Variants in ROBO1 observed in about 807,000 individuals in gnomAD.
ROBO1 encodes the protein roundabout guidance receptor 1, also known as roundabout homolog 1.
Under a neutral mutation model 195.9 loss-of-function variants are expected in ROBO1, and 149 were observed. The observed-to-expected ratio is 0.76, with a 90% CI of 0.67 to 0.87. The LOEUF (loss-of-function observed/expected upper bound fraction) is 0.87, where lower values mean the gene tolerates loss of function less well. Among genes scored for constraint, ROBO1 ranks in the 40% least tolerant of loss-of-function variants. The pLI, the probability that ROBO1 is intolerant of heterozygous loss-of-function variation, is 0.00. For synonymous variants in ROBO1, 816 were observed against 733.2 expected, an observed-to-expected ratio of 1.11 and a Z score of -1.82; for missense variants, 1,933 against 2,068.3, an observed-to-expected ratio of 0.93 and a Z score of 1.27.
chr3:78,919,142 T>C lies in ROBO1; in HGVS notation c.499+19459A>G, dbSNP rs141890095. ...TGTGCTTGACTTTCTTACCGGTTAT[T>C]ACATCAGACCATAGGGAGATTATGG... On this transcript the variant is annotated intron_variant, in intron 4 of 30. Transcript: ENST00000464233. Among the ~76,000 whole-genome samples the C allele has an allele frequency of 4.0e-3, 604 of 152,296 alleles. 14 individuals carry two copies. The highest frequency in any genetic ancestry group is 0.012 in the African/African-American group (519 of 41,554).
intron 2 of ROBO1, among the ~76,000 whole-genome samples, chr3:79,311,432 T>C (rs2033478678): frequency 1.3e-5 from 2 of 152,228 alleles, no homozygotes. Flanking sequence ...TAATTTAAAT[T>C]CTTATAAATT....
At chr3:79,692,601 T>C (rs1947328397) in intron 1 of ROBO1, among the ~76,000 whole-genome samples, 1 of 151,668 alleles carries the variant, frequency 6.6e-6, no homozygotes, top group African/African-American at 2.4e-5. Context: ...TCACGGATAG[T>C]GGGTTCTAAA....
intron 3 of ROBO1, among the ~76,000 whole-genome samples, chr3:79,002,283 T>C (rs1409770249): frequency 6.6e-6 from 1 of 152,134 alleles, no homozygotes; most frequent in Non-Finnish European, 1.5e-5. Context: ...CTTTTGGTCA[T>C]GGAACCTACA....
chr3:78,729,567 C>A (rs2108175816), intron 5 of ROBO1, among the ~76,000 whole-genome samples: 1 of 152,270 alleles, frequency 6.6e-6, no homozygotes, highest in East Asian at 1.9e-4. Context: ...AAAGCCCCTT[C>A]TAATTTATAG....
At position 79,068,062 on chromosome 3, in the gene ROBO1, A is replaced by T. The variant is rs2079031752; in HGVS notation, c.172+57394T>A. On this transcript the variant is annotated intron_variant, in intron 3 of 30. Coordinates refer to ENST00000464233, the MANE Select transcript of ROBO1 (RefSeq NM_002941.4). ...AATGAGAAAGCACCCAAGATTGAAG[A>T]CACAGTCTTTTATAAGCTAATTTAG... Among the ~76,000 whole-genome samples, 3 of 151,950 alleles carry T rather than the reference A, an allele frequency of 2.0e-5. No individual in the cohort carries two copies. The South Asian group carries it at 6.2e-4, about 31-fold the overall frequency.
chr3:79,275,887 C>T (rs1241671081), intron 2 of ROBO1, among the ~76,000 whole-genome samples: 3 of 149,806 alleles, frequency 2.0e-5, no homozygotes, highest in Non-Finnish European at 4.5e-5. Flanking sequence ...ACAACAGCTA[C>T]AAAAAAAAAT....
chr3:79,367,938 GT>G (rs1472636734), intron 2 of ROBO1, among the ~76,000 whole-genome samples: 1 of 152,008 alleles, frequency 6.6e-6, no homozygotes, highest in African/African-American at 2.4e-5. Flanking sequence ...TAATAGGTAG[GT>G]TTTTTTGTTT....
At chr3:79,232,168 T>C (rs899830364) in intron 2 of ROBO1, among the ~76,000 whole-genome samples, 1 of 151,430 alleles carries the variant, frequency 6.6e-6, no homozygotes, top group Non-Finnish European at 1.5e-5. Flanking sequence ...AGTTTAATTA[T>C]GTAACAAACC....
chr3:78,818,662 A>G (rs541897279), intron 4 of ROBO1, among the ~76,000 whole-genome samples: 1 of 152,304 alleles, frequency 6.6e-6, no homozygotes, highest in South Asian at 2.1e-4. Context: ...CCTCAAGCCA[A>G]AAGTGCTTCT....
intron 2 of ROBO1, among the ~76,000 whole-genome samples, chr3:79,236,756 G>C (rs1046660418): frequency 6.6e-6 from 1 of 152,128 alleles, no homozygotes; most frequent in African/African-American, 2.4e-5. Flanking sequence ...AAATAATTGA[G>C]TAATGTACAT....
At chr3:78,724,513 TAAAAA>T (rs138643700) in intron 5 of ROBO1, among the ~76,000 whole-genome samples, 1 of 89,652 alleles carries the variant, frequency 1.1e-5, no homozygotes. Flanking sequence ...CCATCTCTAC[TAAAAA>T]AAAAAAAAAA....
At chr3:79,556,769 T>A (rs1021598533) in intron 2 of ROBO1, among the ~76,000 whole-genome samples, 4 of 151,936 alleles carry the variant, frequency 2.6e-5, no homozygotes, top group Non-Finnish European at 5.9e-5. Flanking sequence ...TTGTTTCAGA[T>A]TATTCATATT....
rs1270155558 is a variant in ROBO1 at position 79,125,462 on chromosome 3, A to G, written c.166T>C (p.Tyr56His). ...TGGGAAAGAGACACTCTACCTGTAT[A>G]GCCCAGCGAATTGTCATCGTTATCA... ...TSDNDDNSLGYTGSRLRQEDF... is the reference protein window; with the variant it reads ...TSDNDDNSLGHTGSRLRQEDF... The change falls in exon 3 of 31, where the codon TAT becomes CAT. Residue 56 changes from tyrosine to histidine, a missense_variant. Tyr to His is a moderately conservative substitution (Grantham distance 83). Around this residue, in one of 3 missense-constraint regions of ROBO1, gnomAD observed 185 missense variants for 159.5 expected, o/e 1.16. Transcript: ENST00000464233. 1 of 1,613,436 alleles carries G rather than the reference A, an allele frequency of 6.2e-7. No homozygotes were observed. Among genetic ancestry groups the G allele is most frequent in the Non-Finnish European group, 8.5e-7 (1 of 1,179,638 alleles).
chr3:78,835,888 C>G (rs1402032071), intron 4 of ROBO1, among the ~76,000 whole-genome samples: 1 of 152,150 alleles, frequency 6.6e-6, no homozygotes, highest in African/African-American at 2.4e-5. Flanking sequence ...CATCTTAATA[C>G]TTTCCTTAAG....
At chr3:79,203,860 T>G (rs528294608) in intron 2 of ROBO1, among the ~76,000 whole-genome samples, 1 of 152,250 alleles carries the variant, frequency 6.6e-6, no homozygotes, top group African/African-American at 2.4e-5. Context: ...ATACTGAGTT[T>G]ATTTATTTTT....
chr3:79,560,260 A>T (rs1942861526), intron 2 of ROBO1, among the ~76,000 whole-genome samples: 2 of 150,762 alleles, frequency 1.3e-5, no homozygotes, highest in Admixed American at 1.3e-4. Context: ...GGAAATCATC[A>T]TTCTCAGTAA....
intron 2 of ROBO1, among the ~76,000 whole-genome samples, chr3:79,127,882 T>C (rs1043341934): frequency 2.6e-5 from 4 of 152,196 alleles, no homozygotes; most frequent in African/African-American, 9.6e-5. Context: ...CATTAATCAA[T>C]GAATCTTACC....
chr3:78,963,483 GA>G (rs2041490880), intron 3 of ROBO1, among the ~76,000 whole-genome samples: 1 of 115,130 alleles, frequency 8.7e-6, no homozygotes, highest in Non-Finnish European at 1.8e-5. Context: ...AGATCCAGAG[GA>G]AAACCTTCAG....
rs200788756 is a variant in ROBO1 at position 79,702,839 on chromosome 3, A to G, written c.-51+64913T>C. Among the ~76,000 whole-genome samples, 48 of 152,070 alleles carry G rather than the reference A, an allele frequency of 3.2e-4. No individual in the cohort carries two copies. The East Asian group carries it at 8.1e-3, about 26-fold the overall frequency. On this transcript the variant is annotated intron_variant, in intron 1 of 30. Transcript: ENST00000464233. ...CCCATGTTTTAAAACCAAGAATTCA[A>G]ATGTAATTTGGAATCCTTGTGGATC...
Sources: gnomAD v4.1 joint callset for allele counts (sites outside exome capture counted in the v4.1 genomes callset) on GRCh38, gnomAD v4.1.1 for gene constraint, gnomAD v4.1.1 regional missense constraint, MANE v1.5 for transcripts, NCBI Gene and HGNC (gene_info 2026-07-23, HGNC 2026-07-21) for gene names.